The following NEBL variants were observed in gnomAD, a reference collection of about 807,000 sequenced individuals.
The protein encoded by NEBL is nebulette.
A neutral mutation model predicts 140.2 loss-of-function variants in NEBL; 122 were observed. The observed-to-expected ratio is 0.87, with a 90% CI of 0.75 to 1.01. The LOEUF is 1.01. NEBL is among the 50% of genes least tolerant of loss of function. The pLI, the probability that NEBL is intolerant of heterozygous loss-of-function variation, is 0.00. For synonymous variants in NEBL, 436 were observed against 398.9 expected, an observed-to-expected ratio of 1.09 and a Z score of -1.11; for missense variants, 1,365 against 1,231.3, an observed-to-expected ratio of 1.11 and a Z score of -1.62.
intron 3 of NEBL, among the ~76,000 whole-genome samples, chr10:21,186,988 ATG>A (rs35359446): frequency 0.11 from 16,248 of 141,558 alleles, 919 homozygotes; most frequent in Non-Finnish European, 0.14. Context: ...CCAACTCTGT[ATG>A]TGTGTGTGTG....
chr10:20,812,404 G>T (rs1411157753), intron 24 of NEBL, among the ~76,000 whole-genome samples: 1 of 151,682 alleles, frequency 6.6e-6, no homozygotes, highest in East Asian at 1.9e-4. Flanking sequence ...CATGTGCCAC[G>T]TTGGTGTGCT....
chr10:21,083,206 A>G (rs959688129), intron 2 of NEBL, among the ~76,000 whole-genome samples: 3 of 152,248 alleles, frequency 2.0e-5, no homozygotes, highest in South Asian at 2.1e-4. Flanking sequence ...CAAATAAGTT[A>G]GGAAGGCCTA....
At chr10:21,002,001 T>C (rs1460699792) in intron 3 of NEBL, among the ~76,000 whole-genome samples, 1 of 152,068 alleles carries the variant, frequency 6.6e-6, no homozygotes, top group Non-Finnish European at 1.5e-5. Context: ...TCTCTGCAGG[T>C]AGTAATTAAG....
rs191911643 is a variant in NEBL at position 21,110,685 on chromosome 10, G to A, written c.164+61698C>T. On this transcript the variant is annotated intron_variant, in intron 2 of 6. Coordinates refer to the NEBL transcript ENST00000417816. ...CCTAAGCATATGCCACCACCCCATG[G>A]AAGGCTCAGTGGACATGGACATGAG... 1.1e-3 allele frequency: 507 copies of A among 473,554 alleles called. 3 individuals carry two copies. Among genetic ancestry groups the A allele is most frequent in the Non-Finnish European group, 3.7e-4 (89 of 239,856 alleles). The allele number at this position is 473,554 out of a possible 1,614,324, so 29.3% of individuals were successfully genotyped here. A position where few individuals can be genotyped will look rare whatever the true frequency, so the allele number is the denominator to read the frequency against.
chr10:20,790,464 T>C (rs187171760), intron 26 of NEBL, among the ~76,000 whole-genome samples: 1 of 150,544 alleles, frequency 6.6e-6, no homozygotes, highest in Non-Finnish European at 1.5e-5. Context: ...TAGCTGGGCG[T>C]GGGGTGTGTG....
intron 2 of NEBL, among the ~76,000 whole-genome samples, chr10:21,117,824 TCAGA>T (rs144500561): frequency 0.014 from 2,174 of 152,078 alleles, 48 homozygotes; most frequent in African/African-American, 0.049. Context: ...GGCTCTAGAG[TCAGA>T]CAAACTGGGT....
chr10:21,092,037 G>T (rs939064164), intron 2 of NEBL, among the ~76,000 whole-genome samples: 1 of 152,148 alleles, frequency 6.6e-6, no homozygotes, highest in Non-Finnish European at 1.5e-5. Context: ...TGTTAAGGGC[G>T]ATTTTAGTTA....
intron 24 of NEBL, among the ~76,000 whole-genome samples, chr10:20,810,603 A>G (rs889582015): frequency 1.3e-5 from 2 of 152,236 alleles, no homozygotes; most frequent in African/African-American, 4.8e-5. Flanking sequence ...TGCCATAGTC[A>G]GTGATCAGAC....
chr10:21,087,058 C>T (rs1212725236), intron 2 of NEBL, among the ~76,000 whole-genome samples: 1 of 152,182 alleles, frequency 6.6e-6, no homozygotes, highest in Non-Finnish European at 1.5e-5. Context: ...TTGCCTCTCT[C>T]TCTTCTGAGC....
intron 3 of NEBL, among the ~76,000 whole-genome samples, chr10:21,228,593 C>A (rs925396478): frequency 6.6e-6 from 1 of 152,004 alleles, no homozygotes; most frequent in Non-Finnish European, 1.5e-5. Flanking sequence ...AGATTAGAAT[C>A]TAAGGAAAAG....
chr10:20,880,678 T>G, intron 5 of NEBL, 116 bp downstream of exon 5: 1 of 799,164 alleles, frequency 1.3e-6, no homozygotes, highest in South Asian at 1.4e-5. Flanking sequence ...TAAGAAATAT[T>G]AAAGTCTTTT....
intron 1 of NEBL, among the ~76,000 whole-genome samples, chr10:21,261,008 C>G (rs1027839416): frequency 6.6e-6 from 1 of 152,148 alleles, no homozygotes; most frequent in African/African-American, 2.4e-5. Context: ...AAGAAGGGAT[C>G]GTGGATGGCA....
chr10:20,887,299 G>T (rs1441033679), intron 4 of NEBL, among the ~76,000 whole-genome samples: 2 of 152,050 alleles, frequency 1.3e-5, no homozygotes, highest in African/African-American at 2.4e-5. Flanking sequence ...CCTGATGGGG[G>T]CTATTTTTGG....
intron 2 of NEBL, among the ~76,000 whole-genome samples, chr10:21,088,960 A>G (rs924538027): frequency 1.3e-5 from 2 of 152,166 alleles, no homozygotes; most frequent in African/African-American, 4.8e-5. Context: ...AGATTGTTTG[A>G]GGTAGCAGCA....
intron 7 of NEBL, among the ~76,000 whole-genome samples, chr10:20,864,798 G>C (rs1205157221): frequency 6.6e-6 from 1 of 152,086 alleles, no homozygotes; most frequent in African/African-American, 2.4e-5. Flanking sequence ...TGTTATAATT[G>C]ATATACCTGA....
intron 2 of NEBL, among the ~76,000 whole-genome samples, chr10:21,160,506 C>A (rs1036495929): frequency 1.3e-5 from 2 of 152,062 alleles, no homozygotes; most frequent in Non-Finnish European, 2.9e-5. Flanking sequence ...TAGGAATAAC[C>A]CTTAATTATC....
chr10:20,871,805 G>A (rs2131256691), intron 5 of NEBL, among the ~76,000 whole-genome samples: 1 of 152,252 alleles, frequency 6.6e-6, no homozygotes, highest in East Asian at 1.9e-4. Flanking sequence ...TTTGTTGGGT[G>A]GATTTTAAAT....
At chr10:21,257,598 C>T (rs1458566889) in intron 1 of NEBL, among the ~76,000 whole-genome samples, 1 of 152,106 alleles carries the variant, frequency 6.6e-6, no homozygotes, top group African/African-American at 2.4e-5. Context: ...TAAAAAACCA[C>T]CAAAACGCCG....
At chr10:21,022,193 C>A (rs533644501) in intron 2 of NEBL, among the ~76,000 whole-genome samples, 9 of 152,286 alleles carry the variant, frequency 5.9e-5, no homozygotes, top group African/African-American at 2.2e-4. Flanking sequence ...CTCAGAGCTG[C>A]TCCTCAAAGA....
Sources: allele counts gnomAD v4.1 joint callset (sites outside exome capture counted in the v4.1 genomes callset), GRCh38; gene constraint gnomAD v4.1.1; transcripts MANE v1.5; gene names NCBI Gene and HGNC (gene_info 2026-07-23, HGNC 2026-07-21).